RNF213: variants seen among roughly 807,000 people sequenced by gnomAD.
The protein encoded by RNF213 is E3 ubiquitin-protein ligase RNF213.
In RNF213, 341 loss-of-function variants were observed where a neutral mutation model predicts 514.4. The ratio of observed to expected loss-of-function variants is 0.66; its 90% confidence interval spans 0.61 to 0.73. The LOEUF (loss-of-function observed/expected upper bound fraction) is 0.73. Ranked by LOEUF, RNF213 falls within the 30% of genes least tolerant of loss-of-function variation. The pLI is 0.00. For missense variants in RNF213, 5,767 were observed against 6,615.6 expected (o/e 0.87, Z 4.45); for synonymous variants, 2,655 against 2,658.2 (o/e 1.00, Z 0.04).
chr17:80,261,016 C>A (rs2145047353), intron 1 of RNF213, 114 bp downstream of exon 1: 1 of 151,870 alleles, frequency 6.6e-6, no homozygotes, highest in Middle Eastern at 3.4e-3. Flanking sequence ...GATGCCCCTC[C>A]CGGCCGCCTC....
At chr17:80,267,504 T>C (rs1022038429) in intron 2 of RNF213, among the ~76,000 whole-genome samples, 1 of 152,188 alleles carries the variant, frequency 6.6e-6, no homozygotes, top group Admixed American at 6.5e-5. Flanking sequence ...AACAGCCTTA[T>C]TGTGATATGG....
At chr17:80,296,699 T>A (rs1024025540) in intron 10 of RNF213, among the ~76,000 whole-genome samples, 1 of 152,208 alleles carries the variant, frequency 6.6e-6, no homozygotes, top group Non-Finnish European at 1.5e-5. Context: ...ATTTGTTGTT[T>A]TGAGACAGTG....
intron 3 of RNF213, among the ~76,000 whole-genome samples, chr17:80,275,513 T>C (rs952968802): frequency 1.3e-5 from 2 of 151,952 alleles, no homozygotes; most frequent in African/African-American, 4.8e-5. Context: ...ATGAGGAATC[T>C]AGAAAGCCAC....
intron 20 of RNF213, among the ~76,000 whole-genome samples, chr17:80,328,976 G>A (rs1185317840): frequency 2.0e-5 from 3 of 152,248 alleles, no homozygotes; most frequent in African/African-American, 4.8e-5. Context: ...TTTTCACTGC[G>A]TTAATGATAC....
Position 80,332,541 on chromosome 17 carries a change from G to C in RNF213, c.4053G>C (p.Gln1351His), listed in dbSNP as rs1443227552. 6.5e-6 allele frequency: 10 copies of C among 1,536,412 alleles called. No homozygotes were observed. Among genetic ancestry groups the C allele is most frequent in the Non-Finnish European group, 7.9e-6 (9 of 1,146,284 alleles). Reference sequence around the variant, plus strand: ...TCAAGGAATACCATCACCTGCACCAGGCTGTCCACGCAGCCAAGGTCATCT... The same window carrying C: ...TCAAGGAATACCATCACCTGCACCACGCTGTCCACGCAGCCAAGGTCATCT... ...EQIKEYHHLHQAVHAAKVILQ... is the reference protein window; with the variant it reads ...EQIKEYHHLHHAVHAAKVILQ... Residue 1351 changes from glutamine (Q) to histidine (H), a missense_variant, in exon 21 of 68, where the codon CAG (glutamine) becomes CAC (histidine). Physicochemically the swap from Gln to His is conservative, Grantham distance 24. Around this residue, in one of 13 missense-constraint regions of RNF213, gnomAD observed 516 missense variants for 566.5 expected, o/e 0.91. Coordinates refer to ENST00000582970, the MANE Select transcript of RNF213 (RefSeq NM_001256071.3).
chr17:80,325,530 A>G (rs936847719), intron 18 of RNF213, among the ~76,000 whole-genome samples: 2 of 152,132 alleles, frequency 1.3e-5, no homozygotes, highest in African/African-American at 2.4e-5. Context: ...GGAGAAGGCA[A>G]TGCGACTTAC....
rs1180514631 is a variant in RNF213 at position 80,295,689 on chromosome 17, G to C, written c.1888G>C (p.Val630Leu). ...AACAGGCCTGATTGTCCTTTTTGTA[G>C]TGGAAAAAATTGAGCTTTTATTAGA... ...LKTGLIVLFVVEKIELLLEGS... is the reference protein window; with the variant it reads ...LKTGLIVLFVLEKIELLLEGS... Residue 630 changes from valine (V) to leucine (L), a missense_variant, in exon 10 of 68, where the codon GTG (valine) becomes CTG (leucine). By Grantham distance (32) the Val-to-Leu change is conservative. Coordinates refer to ENST00000582970, the MANE Select transcript of RNF213 (RefSeq NM_001256071.3). The C allele has an allele frequency of 3.1e-6, 5 of 1,614,174 alleles. No homozygotes were observed. The highest frequency in any genetic ancestry group is 4.2e-6 in the Non-Finnish European group (5 of 1,180,026).
Position 80,363,608 on chromosome 17 carries a change from G to C in RNF213, c.11569-1G>C, listed in dbSNP as rs139438677. The C allele has an allele frequency of 1.2e-6, 2 of 1,613,364 alleles. No individual in the cohort carries two copies. Among genetic ancestry groups the C allele is most frequent in the Non-Finnish European group, 1.7e-6 (2 of 1,180,038 alleles). On this transcript the variant is annotated splice_acceptor_variant, in intron 40 of 67. Transcript: ENST00000582970. LOFTEE classifies it high-confidence loss of function. ...CCACGCCCTGCTGTCCGTCTCCCCA[G>C]ACCCTGGACGCATTTGCCGCAATGG...
chr17:80,323,696 C>T (rs1599024224), intron 17 of RNF213, among the ~76,000 whole-genome samples: 1 of 152,138 alleles, frequency 6.6e-6, no homozygotes, highest in African/African-American at 2.4e-5. Flanking sequence ...CTCAGATGAT[C>T]AACCCGCCTT....
chr17:80,383,797 C>T lies in RNF213; in HGVS notation c.14191C>T (p.Arg4731Trp), dbSNP rs763746779. 19 of 1,613,992 alleles carry T rather than the reference C, an allele frequency of 1.2e-5. No homozygotes were observed. The highest frequency in any genetic ancestry group is 2.2e-5 in the East Asian group (1 of 44,898). The change falls in exon 59 of 68, where the codon CGG (arginine) becomes TGG (tryptophan). Residue 4731 changes from arginine to tryptophan, a missense_variant. By Grantham distance (101) the Arg-to-Trp change is moderately radical. Transcript: ENST00000582970. ...AGTGACCTTCCTGCCCCACCTGCCC[C>T]GGAAAAGTGTGGTCCATTGCTCTAA... is the stretch of plus-strand genomic sequence containing the variant. ...DPVTFLPHLPRKSVVHCSKIW... is the reference protein window; with the variant it reads ...DPVTFLPHLPWKSVVHCSKIW...
chr17:80,318,355 C>A (rs2046016969), intron 16 of RNF213, among the ~76,000 whole-genome samples: 1 of 152,148 alleles, frequency 6.6e-6, no homozygotes, highest in African/African-American at 2.4e-5. Context: ...CAGGGACCCG[C>A]CCCTGTCTGC....
At chr17:80,356,610 CT>C (rs923103540) in intron 36 of RNF213, among the ~76,000 whole-genome samples, 3 of 152,250 alleles carry the variant, frequency 2.0e-5, no homozygotes, top group African/African-American at 7.2e-5. Context: ...GTCCCGAACT[CT>C]GCCTGCCTGT....
chr17:80,331,221 C>T (rs1030003656), intron 20 of RNF213, among the ~76,000 whole-genome samples: 2 of 152,120 alleles, frequency 1.3e-5, no homozygotes, highest in African/African-American at 4.8e-5. Context: ...TTTGGGAATC[C>T]TGTGACATAA....
At chr17:80,384,398 G>A (rs2080148573) in intron 59 of RNF213, among the ~76,000 whole-genome samples, 2 of 152,200 alleles carry the variant, frequency 1.3e-5, no homozygotes, top group Non-Finnish European at 2.9e-5. Context: ...AAGTGTACTG[G>A]CCACATCTGT....
At chr17:80,342,043 C>G (rs1484207569) in intron 26 of RNF213, 1 of 152,388 alleles carries the variant, frequency 6.6e-6, no homozygotes, top group Non-Finnish European at 1.5e-5. Context: ...GAGTGATCAC[C>G]CGCCTCAGCC....
chr17:80,355,449 CACGGAGGAAGAGGG>C (rs2078726392), intron 36 of RNF213, among the ~76,000 whole-genome samples: 1 of 48,042 alleles, frequency 2.1e-5, no homozygotes, highest in Admixed American at 2.7e-4. Flanking sequence ...AATCGGGGCT[CACGGAGGAAGAGGG>C]GTGACCGGGA....
In RNF213 at chr17:80,349,984, G is replaced by C. The variant is rs1266253388; in HGVS notation, c.10088+78G>C. On this transcript the variant is annotated intron_variant, in intron 30 of 67. Coordinates refer to ENST00000582970, the MANE Select transcript of RNF213 (RefSeq NM_001256071.3). The stretch of plus-strand genomic sequence containing the variant: ...TGGCTTCTGCGTGGCGATGGTACCC[G>C]CGCCGGTTAATGAGCGCCACAGTCA... The C allele has an allele frequency of 1.6e-5, 24 of 1,528,202 alleles. No individual in the cohort carries two copies. In the Admixed American group the frequency reaches 3.9e-4, roughly 25 times the overall value. 94.7% of individuals were successfully genotyped at this position (1,528,202 alleles called of 1,614,324 possible). A position where few individuals can be genotyped will look rare whatever the true frequency, so the allele number is the denominator to read the frequency against.
chr17:80,362,685 G>C (rs935937943), intron 39 of RNF213, among the ~76,000 whole-genome samples: 1 of 152,248 alleles, frequency 6.6e-6, no homozygotes, highest in South Asian at 2.1e-4. Context: ...TGCTGACTCT[G>C]TCCTGAGGAA....
At chr17:80,262,828 A>G (rs1239942520) in intron 1 of RNF213, among the ~76,000 whole-genome samples, 1 of 152,148 alleles carries the variant, frequency 6.6e-6, no homozygotes, top group African/African-American at 2.4e-5. Context: ...GGGCAGGGCC[A>G]GGGCAGGGAG....
Sources: gnomAD v4.1 joint callset for allele counts (sites outside exome capture counted in the v4.1 genomes callset) on GRCh38, gnomAD v4.1.1 for gene constraint, gnomAD v4.1.1 regional missense constraint, MANE v1.5 for transcripts, NCBI Gene and HGNC (gene_info 2026-07-23, HGNC 2026-07-21) for gene names.